SCN9A: variants seen among roughly 807,000 people sequenced by gnomAD.
The protein encoded by SCN9A is sodium channel protein type 9 subunit alpha.
SCN9A carries 131 observed loss-of-function variants against 187.0 expected under a neutral mutation model. The ratio of observed to expected loss-of-function variants is 0.70; its 90% confidence interval spans 0.61 to 0.81. The LOEUF is 0.81. Among genes scored for constraint, SCN9A ranks in the 30% least tolerant of loss-of-function variants. The probability of loss-of-function intolerance (pLI) is 0.00; values close to 1 mark genes in which losing one functional copy is unlikely to be tolerated. For synonymous variants in SCN9A, 809 were observed against 808.6 expected (o/e 1.00, Z -0.01); for missense variants, 2,252 against 2,396.6 (o/e 0.94, Z 1.26).
intron 17 of SCN9A, among the ~76,000 whole-genome samples, chr2:166,262,250 T>C (rs968296082): frequency 6.6e-6 from 1 of 151,982 alleles, no homozygotes; most frequent in Non-Finnish European, 1.5e-5. Flanking sequence ...AAAATAAATA[T>C]ACAGATACAC....
In SCN9A at chr2:166,227,715, A is replaced by T; in HGVS notation, c.4215T>A (p.Phe1405Leu). The T allele has an allele frequency of 6.7e-7, 1 of 1,502,154 alleles. No homozygotes were observed. The highest frequency in any genetic ancestry group is 9.1e-7 in the Non-Finnish European group (1 of 1,099,514). The allele number at this position is 1,502,154 out of a possible 1,614,324, so 93.1% of individuals were successfully genotyped here. A position where few individuals can be genotyped will look rare whatever the true frequency, so the allele number is the denominator to read the frequency against. Residue 1405 changes from phenylalanine (F) to leucine (L), a missense_variant, in exon 23 of 27, where the codon TTT (phenylalanine) becomes TTA (leucine). Transcript: ENST00000642356. ...CATACATAATAATCGTCCATCCCTT[A>T]AAAGTTGCCTTTAAGAATAACATTA... ...GYLSLLQVATFKGWTIIMYAA... is the reference protein window; with the variant it reads ...GYLSLLQVATLKGWTIIMYAA...
intron 17 of SCN9A, among the ~76,000 whole-genome samples, chr2:166,269,660 T>A (rs2106455336): frequency 6.6e-6 from 1 of 152,222 alleles, no homozygotes; most frequent in East Asian, 1.9e-4. Context: ...TGGAAAGTTC[T>A]ATAAGGTTCC....
intron 1 of SCN9A, among the ~76,000 whole-genome samples, chr2:166,314,763 A>G (rs1699066968): frequency 6.6e-6 from 1 of 152,224 alleles, no homozygotes; most frequent in Admixed American, 6.5e-5. Context: ...CCCCAGAAAC[A>G]AAATGTAGAG....
chr2:166,231,982 T>C (rs1695105387), intron 21 of SCN9A, among the ~76,000 whole-genome samples: 1 of 152,144 alleles, frequency 6.6e-6, no homozygotes, highest in South Asian at 2.1e-4. Context: ...AGAGAGAGAA[T>C]ATCCAGTTAT....
chr2:166,288,460 T>C lies in SCN9A; in HGVS notation c.1291A>G (p.Lys431Glu). Residue 431 changes from lysine to glutamate, a missense_variant, in exon 10 of 27, where the codon AAA becomes GAA. Transcript: ENST00000642356. ...ACCTCAGCTTCTTCTTGCTCTTTTTTAAGACGGTCTAACATCTGTTGAAAT... is the reference window on the plus strand; with the variant it reads ...ACCTCAGCTTCTTCTTGCTCTTTTTCAAGACGGTCTAACATCTGTTGAAAT... ...LEFQQMLDRL[K>E]KEQEEAEAIA... The C allele has an allele frequency of 2.5e-6, 4 of 1,611,100 alleles. No homozygotes were observed. Among genetic ancestry groups the C allele is most frequent in the Non-Finnish European group, 3.4e-6 (4 of 1,177,982 alleles).
Position 166,338,694 on chromosome 2 carries a change from A to T in SCN9A, c.-50-26888T>A, listed in dbSNP as rs974789094. On this transcript the variant is annotated intron_variant, in intron 1 of 26. Coordinates refer to ENST00000642356, the MANE Select transcript of SCN9A (RefSeq NM_001365536.1). Reference sequence around the variant, plus strand: ...TTATTGCATTTAGTTGTTATACCTCATTAGTCTCTTTTTATCTGCAACAGA... The same window carrying T: ...TTATTGCATTTAGTTGTTATACCTCTTTAGTCTCTTTTTATCTGCAACAGA... Among the ~76,000 whole-genome samples the T allele has an allele frequency of 4.7e-4, 72 of 152,218 alleles. 1 individual carries two copies. The highest frequency in any genetic ancestry group is 1.6e-3 in the African/African-American group (67 of 41,534).
At chr2:166,271,872 A>T (rs1360303936) in intron 17 of SCN9A, among the ~76,000 whole-genome samples, 3 of 151,542 alleles carry the variant, frequency 2.0e-5, no homozygotes, top group Non-Finnish European at 2.9e-5. Flanking sequence ...TTTAAAAAAA[A>T]GAAGAGAGAG....
At chr2:166,323,182 C>G (rs1699285017) in intron 1 of SCN9A, among the ~76,000 whole-genome samples, 1 of 151,932 alleles carries the variant, frequency 6.6e-6, no homozygotes, top group Admixed American at 6.6e-5. Context: ...AAATAAATTC[C>G]AACACTTGGT....
intron 10 of SCN9A, among the ~76,000 whole-genome samples, chr2:166,287,780 T>A (rs540637477): frequency 6.6e-6 from 1 of 151,926 alleles, no homozygotes; most frequent in Non-Finnish European, 1.5e-5. Flanking sequence ...ATTATTTTCT[T>A]AATATCTCAT....
chr2:166,245,463 A>T (rs1695745892), intron 18 of SCN9A, among the ~76,000 whole-genome samples: 1 of 152,002 alleles, frequency 6.6e-6, no homozygotes, highest in African/African-American at 2.4e-5. Context: ...GTGCAGTAAA[A>T]GAGAAACCAA....
At chr2:166,306,289 A>C (rs1698754217) in intron 4 of SCN9A, among the ~76,000 whole-genome samples, 1 of 152,200 alleles carries the variant, frequency 6.6e-6, no homozygotes, top group Non-Finnish European at 1.5e-5. Context: ...AGGATGGAGC[A>C]TCTGACAAGT....
intron 1 of SCN9A, among the ~76,000 whole-genome samples, chr2:166,322,858 T>A (rs1699277387): frequency 6.6e-6 from 1 of 152,146 alleles, no homozygotes; most frequent in Admixed American, 6.5e-5. Context: ...AGCTAAATGA[T>A]CTTGGACATC....
chr2:166,276,121 G>T (rs768891509), intron 16 of SCN9A, among the ~76,000 whole-genome samples: 18 of 151,610 alleles, frequency 1.2e-4, no homozygotes, highest in Non-Finnish European at 1.9e-4. Flanking sequence ...TCTCCTGCTT[G>T]TAAGCTTGAA....
intron 18 of SCN9A, among the ~76,000 whole-genome samples, chr2:166,246,099 G>A (rs969675820): frequency 5.9e-5 from 9 of 151,906 alleles, no homozygotes; most frequent in Admixed American, 2.0e-4. Context: ...CTCTCTGGAA[G>A]TTTCTAAGTT....
At chr2:166,205,720 C>G (rs1338721148) in intron 24 of SCN9A, among the ~76,000 whole-genome samples, 1 of 152,122 alleles carries the variant, frequency 6.6e-6, no homozygotes, top group Admixed American at 6.5e-5. Context: ...TCAGAGTGAA[C>G]AGGCAACCTA....
intron 1 of SCN9A, among the ~76,000 whole-genome samples, chr2:166,362,532 A>T (rs1367542716): frequency 6.6e-6 from 1 of 151,984 alleles, no homozygotes; most frequent in Non-Finnish European, 1.5e-5. Flanking sequence ...TCACAGATAT[A>T]AATAGGATTG....
At chr2:166,330,258 T>C (rs1229246837) in intron 1 of SCN9A, among the ~76,000 whole-genome samples, 1 of 152,074 alleles carries the variant, frequency 6.6e-6, no homozygotes, top group Non-Finnish European at 1.5e-5. Flanking sequence ...CTCCTTTTAT[T>C]AATATTTTTT....
At chr2:166,321,793 C>CT (rs142400656) in intron 1 of SCN9A, among the ~76,000 whole-genome samples, 1,370 of 118,710 alleles carry the variant, frequency 0.012, 21 homozygotes, top group East Asian at 0.03. Context: ...CTGGCAAAAT[C>CT]TTTTTTTTTT....
intron 1 of SCN9A, among the ~76,000 whole-genome samples, chr2:166,343,669 G>A (rs1319349613): frequency 3.3e-5 from 5 of 152,074 alleles, no homozygotes; most frequent in African/African-American, 1.2e-4. Context: ...GAGGCCGAGG[G>A]GAGTGGATCT....
Sources: gnomAD v4.1 joint callset for allele counts (sites outside exome capture counted in the v4.1 genomes callset) on GRCh38, gnomAD v4.1.1 for gene constraint, MANE v1.5 for transcripts, NCBI Gene and HGNC (gene_info 2026-07-23, HGNC 2026-07-21) for gene names.